Variants in BCL2L1 observed in about 807,000 individuals in gnomAD.
BCL2L1 encodes BCL2 like 1, also known as bcl-2-like protein 1.
BCL2L1 carries 1 observed loss-of-function variant against 18.7 expected under a neutral mutation model. The observed-to-expected ratio is 0.05, with a 90% CI of 0.02 to 0.25. The LOEUF is 0.25. BCL2L1 is among the 10% of genes least tolerant of loss of function. BCL2L1 has a pLI of 1.00. For missense variants in BCL2L1, 207 were observed against 304.9 expected (o/e 0.68, Z 2.39); for synonymous variants, 103 against 122.7 (o/e 0.84, Z 1.06).
At chr20:31,682,708 GC>G in intron 2 of BCL2L1, among the ~76,000 whole-genome samples, 1 of 152,128 alleles carries the variant, frequency 6.6e-6, no homozygotes, top group East Asian at 1.9e-4. Context: ...TCTCGCCTTG[GC>G]CCCCCAAAGT....
intron 2 of BCL2L1, among the ~76,000 whole-genome samples, chr20:31,702,461 T>C (rs1037251371): frequency 8.6e-5 from 13 of 151,864 alleles, no homozygotes. Flanking sequence ...TGAAACCCCA[T>C]CTCTACTAAA....
intron 2 of BCL2L1, among the ~76,000 whole-genome samples, chr20:31,681,025 GGT>G (rs2060851122): frequency 1.3e-5 from 2 of 152,330 alleles, no homozygotes; most frequent in African/African-American, 4.8e-5. Context: ...ACACGCTTGA[GGT>G]GCTCCAGGAA....
At position 31,722,003 on chromosome 20, in the gene BCL2L1, G is replaced by A. The variant is rs2122877548; in HGVS notation, c.216C>T (p.Ser72=). 1.9e-6 allele frequency: 3 copies of A among 1,613,974 alleles called. No homozygotes were observed. Among genetic ancestry groups the A allele is most frequent in the Non-Finnish European group, 2.5e-6 (3 of 1,179,852 alleles). ...TCACCTCCCGGGCATCCAAACTGCT[G>A]CTGTGGCCAGTGGCTCCATTCACCG... ...SPAVNGATGH[S]SSLDAREVIP... The change falls in exon 2 of 3, where the codon AGC becomes AGT. Residue 72 remains serine (S), a synonymous_variant. Transcript: ENST00000307677.
At chr20:31,670,553 AAC>A (rs1379650137) in intron 2 of BCL2L1, among the ~76,000 whole-genome samples, 3 of 152,204 alleles carry the variant, frequency 2.0e-5, no homozygotes, top group Admixed American at 6.5e-5. Flanking sequence ...ACTGTCCAGA[AAC>A]AGTCATTCCT....
intron 2 of BCL2L1, among the ~76,000 whole-genome samples, chr20:31,701,850 A>C (rs961859539): frequency 6.6e-6 from 1 of 152,232 alleles, no homozygotes; most frequent in Non-Finnish European, 1.5e-5. Flanking sequence ...TTTGTTTAAT[A>C]ATTTATTCAA....
intron 2 of BCL2L1, among the ~76,000 whole-genome samples, chr20:31,693,735 T>A (rs118036544): frequency 4.5e-3 from 691 of 152,186 alleles, no homozygotes; most frequent in Middle Eastern, 0.014. Flanking sequence ...GTGGTCTCAC[T>A]ATGTTGCCCA....
chr20:31,680,086 AC>A (rs1199159282), intron 2 of BCL2L1, among the ~76,000 whole-genome samples: 2 of 152,222 alleles, frequency 1.3e-5, no homozygotes. Context: ...TATTTGCTGA[AC>A]TAATATTTAC....
chr20:31,723,754 T>G (rs558876644), upstream of BCL2L1: 10 of 985,306 alleles, frequency 1.0e-5, no homozygotes, highest in South Asian at 3.3e-4. Context: ...CCGCGAGCCG[T>G]GGGGGGCCAC....
chr20:31,711,774 G>C (rs572919333), intron 2 of BCL2L1, among the ~76,000 whole-genome samples: 1 of 152,282 alleles, frequency 6.6e-6, no homozygotes, highest in East Asian at 1.9e-4. Context: ...TCTGGAAACA[G>C]GGCTGAACAT....
rs528917992 is a variant in BCL2L1, at chr20:31,710,463, G to A, written c.564+11192C>T. Among the ~76,000 whole-genome samples the A allele has an allele frequency of 6.6e-5, 10 of 152,300 alleles. No homozygotes were observed. The South Asian group carries it at 1.9e-3, about 28-fold the overall frequency. On this transcript the variant is annotated intron_variant, in intron 2 of 2. Coordinates refer to ENST00000307677, the MANE Select transcript of BCL2L1 (RefSeq NM_138578.3). ...CTCAGTGGAAATTGTACAAAGCTAC[G>A]GTGCTGAGAAAGCTATGATTATTTA...
At chr20:31,717,888 G>T (rs558460650) in intron 2 of BCL2L1, among the ~76,000 whole-genome samples, 1 of 152,328 alleles carries the variant, frequency 6.6e-6, no homozygotes, top group East Asian at 1.9e-4. Flanking sequence ...GCCCACCTGG[G>T]TCCCTTCCCA....
chr20:31,716,526 A>G (rs959210103), intron 2 of BCL2L1: 1 of 152,154 alleles, frequency 6.6e-6, no homozygotes, highest in Non-Finnish European at 1.5e-5. Context: ...GACTCAACGA[A>G]TGAATTATTA....
chr20:31,684,705 G>A (rs572576896), intron 2 of BCL2L1, among the ~76,000 whole-genome samples: 48 of 152,124 alleles, frequency 3.2e-4, no homozygotes, highest in South Asian at 1.0e-3. Context: ...ATGAGCCCTC[G>A]GGGATCCAAA....
rs2061647075 is a variant in BCL2L1, at chr20:31,722,215, A to C, written c.4T>G (p.Ser2Ala). M[S>A]QSNRELVVDF... ...ACCACCAGCTCCCGGTTGCTCTGAG[A>C]CATTTTTATAATAGGGATGGGCTCA... The change falls in exon 2 of 3, where the codon TCT becomes GCT. Residue 2 changes from serine to alanine, a missense_variant. By Grantham distance (99) the Ser-to-Ala change is moderately conservative. Transcript: ENST00000307677. The C allele has an allele frequency of 6.7e-7, 1 of 1,494,722 alleles. No individual in the cohort carries two copies. Among genetic ancestry groups the C allele is most frequent in the African/African-American group, 1.4e-5 (1 of 71,548 alleles). 92.6% of individuals were successfully genotyped at this position (1,494,722 alleles called of 1,614,324 possible). A position where few individuals can be genotyped will look rare whatever the true frequency, so the allele number is the denominator to read the frequency against.
At chr20:31,723,719 G>T, upstream of BCL2L1, 1 of 985,506 alleles carries the variant, frequency 1.0e-6, no homozygotes, top group Non-Finnish European at 1.2e-6. Flanking sequence ...ACGCACAGGG[G>T]AGGCGGCGCT....
rs377526828 is a variant in BCL2L1, at chr20:31,706,403, AGCTTT to A, written c.564+15247_564+15251del. The stretch of plus-strand genomic sequence containing the variant: ...AAAGGGAAAGACTCAGCATTTGCTG[AGCTTT>A]TACTCTGCACTAGGCAATGTGTAAG... On this transcript the variant is annotated intron_variant, in intron 2 of 2. Coordinates refer to ENST00000307677, the MANE Select transcript of BCL2L1 (RefSeq NM_138578.3). Among the ~76,000 whole-genome samples, 374 of 152,312 alleles carry A rather than the reference AGCTTT, an allele frequency of 2.5e-3. 2 individuals carry two copies. The highest frequency in any genetic ancestry group is 8.5e-3 in the African/African-American group (353 of 41,570).
intron 2 of BCL2L1, among the ~76,000 whole-genome samples, chr20:31,675,909 A>G (rs1305285533): frequency 2.0e-5 from 3 of 152,134 alleles, no homozygotes; most frequent in Non-Finnish European, 4.4e-5. Flanking sequence ...GACCTGTTCA[A>G]TTCAGCTGCC....
intron 2 of BCL2L1, chr20:31,721,012 G>A (rs1023558510): frequency 2.0e-6 from 2 of 982,258 alleles, no homozygotes; most frequent in African/African-American, 3.5e-5. Flanking sequence ...CACACTTTGG[G>A]GGAAATGAAC....
At chr20:31,720,802 T>C (rs1405399038) in intron 2 of BCL2L1, 2 of 985,318 alleles carry the variant, frequency 2.0e-6, no homozygotes, top group Non-Finnish European at 2.4e-6. Flanking sequence ...TAAATCTCAA[T>C]GTCCCACAGA....
Sources: gnomAD v4.1 joint callset for allele counts (sites outside exome capture counted in the v4.1 genomes callset) on GRCh38, gnomAD v4.1.1 for gene constraint, MANE v1.5 for transcripts, NCBI Gene and HGNC (gene_info 2026-07-23, HGNC 2026-07-21) for gene names.